GPRIN3: variants seen among roughly 807,000 people sequenced by gnomAD.
GPRIN3 encodes the protein G protein-regulated inducer of neurite outgrowth 3.
A neutral mutation model predicts 13.7 loss-of-function variants in GPRIN3; 12 were observed. That is an observed-to-expected ratio of 0.87 (90% CI 0.56 to 1.42). The LOEUF is 1.42. Ranked by LOEUF, GPRIN3 falls within the 40% of genes most tolerant of loss-of-function variation. The pLI is 0.00. For synonymous variants in GPRIN3, 377 were observed against 372.7 expected, an observed-to-expected ratio of 1.01 and a Z score of -0.13; for missense variants, 1,009 against 958.7, an observed-to-expected ratio of 1.05 and a Z score of -0.69.
chr4:89,254,463 T>A (rs1262429040), intron 1 of GPRIN3, among the ~76,000 whole-genome samples: 3 of 152,168 alleles, frequency 2.0e-5, no homozygotes, highest in Non-Finnish European at 4.4e-5. Flanking sequence ...TAGCTCCCAC[T>A]TAAAAGTGAA....
intron 1 of GPRIN3, among the ~76,000 whole-genome samples, chr4:89,306,926 T>A (rs1019919415): frequency 6.6e-6 from 1 of 152,162 alleles, no homozygotes; most frequent in Non-Finnish European, 1.5e-5. Context: ...ATCGTTTCCA[T>A]CTGCCTGGAG....
intron 1 of GPRIN3, among the ~76,000 whole-genome samples, chr4:89,306,584 A>C (rs1247438936): frequency 6.6e-6 from 1 of 152,212 alleles, no homozygotes; most frequent in African/African-American, 2.4e-5. Flanking sequence ...AGCATACCCA[A>C]GTACCGCTTT....
In GPRIN3 at chr4:89,240,360, A is replaced by T. The variant is rs568390277; in HGVS notation, c.*7420T>A. On this transcript the variant is annotated 3_prime_UTR_variant, in exon 2 of 2. Transcript: ENST00000609438. ...CCAACATCATCTGCAATTTTTTTTCATTTAAATCTTTGACTTCTCTTCGGT... is the reference window on the plus strand; with the variant it reads ...CCAACATCATCTGCAATTTTTTTTCTTTTAAATCTTTGACTTCTCTTCGGT... The T allele has an allele frequency of 1.2e-4, 18 of 152,168 alleles. No homozygotes were observed. The highest frequency in any genetic ancestry group is 4.1e-4 in the African/African-American group (17 of 41,524). The allele number at this position is 152,168 out of a possible 1,614,324, so 9.4% of individuals were successfully genotyped here.
intron 1 of GPRIN3, among the ~76,000 whole-genome samples, chr4:89,295,019 C>G (rs1300803361): frequency 6.6e-6 from 1 of 152,090 alleles, no homozygotes; most frequent in Admixed American, 6.5e-5. Flanking sequence ...TTACAAAAAG[C>G]TCAAAAAACT....
intron 1 of GPRIN3, among the ~76,000 whole-genome samples, chr4:89,275,142 G>GTGTGTGTGTGTC (rs1724058803): frequency 6.6e-6 from 1 of 151,900 alleles, no homozygotes; most frequent in African/African-American, 2.4e-5. Flanking sequence ...AACTCTGTGT[G>GTGTGTGTGTGTC]TGTGTGTGTG....
At chr4:89,255,391 G>T (rs1723439186) in intron 1 of GPRIN3, among the ~76,000 whole-genome samples, 1 of 152,124 alleles carries the variant, frequency 6.6e-6, no homozygotes, top group African/African-American at 2.4e-5. Flanking sequence ...AGAAACCTTG[G>T]TATTTAAGCT....
rs546143633 is a variant in GPRIN3 at position 89,301,308 on chromosome 4, A to T, written c.-124+6307T>A. 2.4e-4 allele frequency among the ~76,000 whole-genome samples: 36 copies of T among 152,320 alleles called. 1 individual carries two copies. The highest frequency in any genetic ancestry group is 8.4e-4 in the African/African-American group (35 of 41,578). On this transcript the variant is annotated intron_variant, in intron 1 of 1. Transcript: ENST00000609438. Reference sequence around the variant, plus strand: ...AAGCACATTCATATCACAGAGTCAAAAGGAAGAACTACAAGAAAAACTTCT... The same window carrying T: ...AAGCACATTCATATCACAGAGTCAATAGGAAGAACTACAAGAAAAACTTCT...
chr4:89,264,194 A>G (rs995806356), intron 1 of GPRIN3, among the ~76,000 whole-genome samples: 1 of 152,118 alleles, frequency 6.6e-6, no homozygotes, highest in Non-Finnish European at 1.5e-5. Context: ...CTTGTGAATA[A>G]TGTCTTCCCT....
At chr4:89,262,636 C>T (rs553052417) in intron 1 of GPRIN3, among the ~76,000 whole-genome samples, 1 of 152,278 alleles carries the variant, frequency 6.6e-6, no homozygotes, top group South Asian at 2.1e-4. Flanking sequence ...CCATAATTTT[C>T]TTATCCATCT....
At chr4:89,301,367 A>G (rs62306573) in intron 1 of GPRIN3, among the ~76,000 whole-genome samples, 2 of 152,240 alleles carry the variant, frequency 1.3e-5, no homozygotes, top group Non-Finnish European at 2.9e-5. Context: ...CTGTACAGTC[A>G]TAATTCAGAA....
chr4:89,293,354 G>C (rs1371208233), intron 1 of GPRIN3, among the ~76,000 whole-genome samples: 1 of 152,176 alleles, frequency 6.6e-6, no homozygotes, highest in East Asian at 1.9e-4. Flanking sequence ...ATTCCAGTTG[G>C]CTACAAAGGA....
chr4:89,297,846 C>G (rs536497497), intron 1 of GPRIN3, among the ~76,000 whole-genome samples: 3 of 152,268 alleles, frequency 2.0e-5, no homozygotes, highest in African/African-American at 2.4e-5. Context: ...GGTGGAAGAG[C>G]TTCCTGAGAG....
In GPRIN3 at chr4:89,242,270, C is replaced by G. The variant is rs980369148; in HGVS notation, c.*5510G>C. On this transcript the variant is annotated 3_prime_UTR_variant, in exon 2 of 2. Transcript: ENST00000609438. ...GTTTTCTGTAAGGCATCATTTGAAG[C>G]CTCTTTGGATACAAGATCTCATGTT... 3.3e-5 allele frequency: 5 copies of G among 152,162 alleles called. No homozygotes were observed. Among genetic ancestry groups the G allele is most frequent in the Non-Finnish European group, 7.4e-5 (5 of 68,022 alleles). The allele number at this position is 152,162 out of a possible 1,614,324, so 9.4% of individuals were successfully genotyped here.
rs1044339082 is a variant in GPRIN3 at position 89,241,891 on chromosome 4, C to G, written c.*5889G>C. The G allele has an allele frequency of 6.6e-6, 1 of 152,016 alleles. No individual in the cohort carries two copies. Among genetic ancestry groups the G allele is most frequent in the Non-Finnish European group, 1.5e-5 (1 of 68,002 alleles). The allele number at this position is 152,016 out of a possible 1,614,324, so 9.4% of individuals were successfully genotyped here. ...TCAGAAAAAAAACTGTTTAACTGCT[C>G]AAGAGTTTTTCTAAAGAGAGACAAT... On this transcript the variant is annotated 3_prime_UTR_variant, in exon 2 of 2. Transcript: ENST00000609438.
intron 1 of GPRIN3, among the ~76,000 whole-genome samples, chr4:89,301,110 G>A (rs1019690291): frequency 8.5e-5 from 13 of 152,150 alleles, no homozygotes; most frequent in Admixed American, 7.2e-4. Flanking sequence ...CAATCATGGA[G>A]CTTGAAACCA....
chr4:89,284,178 T>G (rs944185049), intron 1 of GPRIN3, among the ~76,000 whole-genome samples: 1 of 152,160 alleles, frequency 6.6e-6, no homozygotes, highest in African/African-American at 2.4e-5. Flanking sequence ...CAGAATGCCC[T>G]GAAGGATGGG....
At chr4:89,271,477 T>A (rs1358389670) in intron 1 of GPRIN3, among the ~76,000 whole-genome samples, 3 of 152,128 alleles carry the variant, frequency 2.0e-5, no homozygotes, top group African/African-American at 7.2e-5. Flanking sequence ...CCTACACACA[T>A]CCTTCCATGT....
chr4:89,295,115 G>A (rs190574732), intron 1 of GPRIN3, among the ~76,000 whole-genome samples: 9 of 152,224 alleles, frequency 5.9e-5, no homozygotes, highest in Middle Eastern at 3.4e-3. Context: ...TCCAAAACAC[G>A]AAAGTACTAA....
At chr4:89,300,959 A>AT (rs907656850) in intron 1 of GPRIN3, among the ~76,000 whole-genome samples, 2 of 152,152 alleles carry the variant, frequency 1.3e-5, no homozygotes, top group Non-Finnish European at 2.9e-5. Flanking sequence ...TTTTACCTGC[A>AT]TTTTTCAAGG....
Sources: gnomAD v4.1 joint callset for allele counts (sites outside exome capture counted in the v4.1 genomes callset) on GRCh38, gnomAD v4.1.1 for gene constraint, MANE v1.5 for transcripts, NCBI Gene and HGNC (gene_info 2026-07-23, HGNC 2026-07-21) for gene names.